The following BIRC6 variants were observed in gnomAD, a reference collection of about 807,000 sequenced individuals.
BIRC6 encodes the protein dual E2 ubiquitin-conjugating enzyme/E3 ubiquitin-protein ligase BIRC6.
BIRC6 carries 98 observed loss-of-function variants against 503.3 expected under a neutral mutation model. That is an observed-to-expected ratio of 0.19 (90% CI 0.17 to 0.23). The LOEUF (loss-of-function observed/expected upper bound fraction) is 0.23, where lower values mean the gene tolerates loss of function less well. Ranked by LOEUF, BIRC6 falls within the 10% of genes least tolerant of loss-of-function variation. BIRC6 has a pLI of 1.00. For missense variants in BIRC6, 5,360 were observed against 5,806.0 expected (o/e 0.92, Z 2.50); for synonymous variants, 2,240 against 2,078.7 (o/e 1.08, Z -2.11).
In BIRC6 at chr2:32,501,812, G is replaced by A; in HGVS notation, c.9131G>A (p.Ser3044Asn). 6.2e-7 allele frequency: 1 copy of A among 1,613,884 alleles called. No homozygotes were observed. The highest frequency in any genetic ancestry group is 8.5e-7 in the Non-Finnish European group (1 of 1,179,848). ...DGLFTILTTL[S>N]KKASTVHMML... ...TTATTTACCATACTGACAACCCTTA[G>A]TAAAAAAGCTTCTACAGTCCACATG... is the stretch of plus-strand genomic sequence containing the variant. Residue 3044 changes from serine to asparagine, a missense_variant, in exon 47 of 74, where the codon AGT becomes AAT. Physicochemically the swap from Ser to Asn is conservative, Grantham distance 46. Transcript: ENST00000421745.
chr2:32,511,472 A>T (rs1411138607), intron 53 of BIRC6, among the ~76,000 whole-genome samples: 20 of 129,462 alleles, frequency 1.5e-4, no homozygotes, highest in Non-Finnish European at 6.4e-5. Flanking sequence ...ACTATAACTG[A>T]CTAATTTTTT....
intron 20 of BIRC6, among the ~76,000 whole-genome samples, chr2:32,444,365 CT>C (rs1376634535): frequency 1.3e-5 from 2 of 151,960 alleles, no homozygotes; most frequent in South Asian, 2.1e-4. Context: ...CATATACCCC[CT>C]ATATATGTGC....
Position 32,438,843 on chromosome 2 carries a change from A to T in BIRC6, c.3632-665A>T, listed in dbSNP as rs144401848. Among the ~76,000 whole-genome samples the T allele has an allele frequency of 2.6e-5, 4 of 152,272 alleles. No homozygotes were observed. In the East Asian group the frequency reaches 7.7e-4, roughly 29 times the overall value. ...CCAAAGTGCTGGGATTACAGGCGTG[A>T]GCCACTGCGCCCGGCCTATTTGAGT... On this transcript the variant is annotated intron_variant, in intron 15 of 73. Coordinates refer to ENST00000421745, the MANE Select transcript of BIRC6 (RefSeq NM_016252.4).
chr2:32,485,907 G>A, intron 40 of BIRC6, 148 bp downstream of exon 40: 1 of 577,236 alleles, frequency 1.7e-6, no homozygotes, highest in Non-Finnish European at 3.1e-6. Context: ...CTCCGAGTTA[G>A]TAGCAAGTTG....
At chr2:32,369,345 A>G (rs544494742) in intron 1 of BIRC6, among the ~76,000 whole-genome samples, 2 of 152,220 alleles carry the variant, frequency 1.3e-5, no homozygotes, top group East Asian at 1.9e-4. Flanking sequence ...GCAAGGGCAC[A>G]TGTTCCAAAC....
intron 65 of BIRC6, among the ~76,000 whole-genome samples, chr2:32,556,497 A>C (rs1451894746): frequency 2.0e-5 from 3 of 152,134 alleles, no homozygotes; most frequent in Admixed American, 6.5e-5. Flanking sequence ...CCACATAACT[A>C]CCTACCAGAT....
intron 22 of BIRC6, among the ~76,000 whole-genome samples, chr2:32,452,211 G>A (rs1298325545): frequency 2.0e-5 from 3 of 152,026 alleles, no homozygotes; most frequent in African/African-American, 4.8e-5. Flanking sequence ...CGTCGAATAC[G>A]GAGGCAGGTA....
intron 49 of BIRC6, among the ~76,000 whole-genome samples, chr2:32,504,668 A>AAAAT (rs897772872): frequency 2.5e-4 from 38 of 151,984 alleles, no homozygotes; most frequent in South Asian, 2.1e-4. Flanking sequence ...CTCCATCTGA[A>AAAAT]AAATAAATAA....
At chr2:32,573,573 A>G (rs1485239599) in intron 65 of BIRC6, among the ~76,000 whole-genome samples, 1 of 152,220 alleles carries the variant, frequency 6.6e-6, no homozygotes, top group Non-Finnish European at 1.5e-5. Context: ...CGTTATTCAC[A>G]AAAGTAAATT....
chr2:32,604,607 GTTATTC>G (rs1411870726), intron 71 of BIRC6, among the ~76,000 whole-genome samples: 1 of 152,126 alleles, frequency 6.6e-6, no homozygotes, highest in Non-Finnish European at 1.5e-5. Context: ...ATCTTTTGTT[GTTATTC>G]TTATCAAATA....
chr2:32,469,313 G>A, intron 29 of BIRC6, 82 bp from the exon 30 acceptor site: 1 of 994,538 alleles, frequency 1.0e-6, no homozygotes. Flanking sequence ...TAGAAAAGAG[G>A]AAAGTGTATT....
intron 48 of BIRC6, 37 bp downstream of exon 48, chr2:32,502,928 G>C (rs1377083102): frequency 2.6e-6 from 4 of 1,555,578 alleles, no homozygotes; most frequent in Non-Finnish European, 3.5e-6. Flanking sequence ...TTTAAGTGTA[G>C]TTATGTGATA....
chr2:32,449,126 A>C, intron 22 of BIRC6, 198 bp downstream of exon 22: 1 of 495,298 alleles, frequency 2.0e-6, no homozygotes, highest in Non-Finnish European at 3.4e-6. Context: ...CCAGTATATT[A>C]AAGTCATATT....
chr2:32,526,152 C>T (rs745909494), intron 59 of BIRC6, among the ~76,000 whole-genome samples: 3 of 152,136 alleles, frequency 2.0e-5, no homozygotes, highest in Admixed American at 6.5e-5. Flanking sequence ...ATTCCACATC[C>T]GACCTCATAT....
chr2:32,484,722 G>A (rs1295534299), intron 39 of BIRC6, among the ~76,000 whole-genome samples: 1 of 151,984 alleles, frequency 6.6e-6, no homozygotes, highest in East Asian at 1.9e-4. Flanking sequence ...TATTTGTTGA[G>A]ATAGGGTCTC....
chr2:32,537,938 G>A (rs997603567), intron 61 of BIRC6, among the ~76,000 whole-genome samples: 3 of 151,550 alleles, frequency 2.0e-5, no homozygotes, highest in African/African-American at 7.3e-5. Context: ...CTGCACTCCA[G>A]CCTGGGCGAC....
intron 66 of BIRC6, among the ~76,000 whole-genome samples, chr2:32,579,888 A>G (rs78313593): frequency 0.017 from 2,530 of 151,850 alleles, 39 homozygotes; most frequent in African/African-American, 0.037. Context: ...CTGTGGGCAC[A>G]TAACTAGAAA....
At chr2:32,509,417 A>G (rs946103367) in intron 51 of BIRC6, among the ~76,000 whole-genome samples, 3 of 151,792 alleles carry the variant, frequency 2.0e-5, no homozygotes, top group Non-Finnish European at 4.4e-5. Context: ...ACCATGCCCA[A>G]CTAATCTTTG....
chr2:32,513,576 C>A (rs2054664932), intron 54 of BIRC6, among the ~76,000 whole-genome samples: 1 of 151,976 alleles, frequency 6.6e-6, no homozygotes, highest in Non-Finnish European at 1.5e-5. Context: ...GAGTTCAAGA[C>A]CAGCTTGGGC....
Sources: gnomAD v4.1 joint callset for allele counts (sites outside exome capture counted in the v4.1 genomes callset) on GRCh38, gnomAD v4.1.1 for gene constraint, MANE v1.5 for transcripts, NCBI Gene and HGNC (gene_info 2026-07-23, HGNC 2026-07-21) for gene names.